Variants in ZRANB3 observed in about 807,000 individuals in gnomAD.
ZRANB3 encodes DNA annealing helicase and endonuclease ZRANB3.
In ZRANB3, 125 loss-of-function variants were observed where a neutral mutation model predicts 133.8. That is an observed-to-expected ratio of 0.93 (90% CI 0.81 to 1.08). The LOEUF (loss-of-function observed/expected upper bound fraction) is 1.08, where lower values mean the gene tolerates loss of function less well. ZRANB3 is among the 50% of genes least tolerant of loss of function. The probability of loss-of-function intolerance (pLI) is 0.00; values close to 1 mark genes in which losing one functional copy is unlikely to be tolerated. For synonymous variants in ZRANB3, 387 were observed against 432.7 expected, an observed-to-expected ratio of 0.89 and a Z score of 1.31; for missense variants, 1,229 against 1,275.5, an observed-to-expected ratio of 0.96 and a Z score of 0.56.
chr2:135,386,537 G>T (rs1686982305), intron 3 of ZRANB3, among the ~76,000 whole-genome samples: 1 of 152,124 alleles, frequency 6.6e-6, no homozygotes, highest in African/African-American at 2.4e-5. Context: ...AAAGACACAT[G>T]CACACATATG....
chr2:135,524,355 T>C (rs1019809715), intron 1 of ZRANB3, among the ~76,000 whole-genome samples: 3 of 152,214 alleles, frequency 2.0e-5, no homozygotes, highest in Non-Finnish European at 2.9e-5. Context: ...GTGCTGGGAT[T>C]ACAGGCTTAA....
At chr2:135,216,426 T>C (rs1694313777) in intron 17 of ZRANB3, among the ~76,000 whole-genome samples, 1 of 152,104 alleles carries the variant, frequency 6.6e-6, no homozygotes, top group African/African-American at 2.4e-5. Context: ...TTTGGTTTAT[T>C]GCTTTGCCAT....
intron 3 of ZRANB3, among the ~76,000 whole-genome samples, chr2:135,386,045 G>A (rs1305683368): frequency 3.9e-5 from 6 of 152,134 alleles, no homozygotes; most frequent in Non-Finnish European, 8.8e-5. Context: ...TACCATCAGA[G>A]TGAACAGGCA....
At chr2:135,218,563 C>T (rs894241587) in intron 16 of ZRANB3, among the ~76,000 whole-genome samples, 2 of 151,906 alleles carry the variant, frequency 1.3e-5, no homozygotes, top group Non-Finnish European at 2.9e-5. Flanking sequence ...ACACAGCATG[C>T]TAGGTTAGTC....
intron 2 of ZRANB3, among the ~76,000 whole-genome samples, chr2:135,407,700 C>G (rs1474763365): frequency 1.3e-5 from 2 of 151,790 alleles, no homozygotes; most frequent in African/African-American, 4.9e-5. Flanking sequence ...TTTGACAAAC[C>G]TGACAAAAAC....
At chr2:135,386,616 G>C (rs561226049) in intron 3 of ZRANB3, among the ~76,000 whole-genome samples, 4 of 152,308 alleles carry the variant, frequency 2.6e-5, no homozygotes, top group South Asian at 2.1e-4. Flanking sequence ...TGACAGACTG[G>C]ATTAAGCAAA....
chr2:135,349,091 T>C (rs908658220), intron 5 of ZRANB3, among the ~76,000 whole-genome samples: 15 of 152,162 alleles, frequency 9.9e-5, no homozygotes, highest in Non-Finnish European at 1.8e-4. Flanking sequence ...TCACTATCTA[T>C]GTACTTTTAT....
intron 1 of ZRANB3, among the ~76,000 whole-genome samples, chr2:135,513,475 C>T (rs1693562212): frequency 6.6e-6 from 1 of 152,074 alleles, no homozygotes; most frequent in South Asian, 2.1e-4. Flanking sequence ...GTAACTTTTT[C>T]AACAAATAGT....
chr2:135,326,297 T>C (rs1268727181), intron 6 of ZRANB3, among the ~76,000 whole-genome samples: 1 of 152,170 alleles, frequency 6.6e-6, no homozygotes, highest in Non-Finnish European at 1.5e-5. Flanking sequence ...GGTCTCTGGT[T>C]ACATGAATAA....
In ZRANB3 at chr2:135,518,019, G is replaced by A. The variant is rs948173283; in HGVS notation, c.-8+13108C>T. On this transcript the variant is annotated intron_variant, in intron 1 of 20. Coordinates refer to ENST00000264159, the MANE Select transcript of ZRANB3 (RefSeq NM_032143.4). ...GGCTTTGCGTGCTGCGGTGGGTTCC[G>A]CACCCAGTTCGAACTTCCCAGCAGC... Among the ~76,000 whole-genome samples the A allele has an allele frequency of 2.0e-5, 3 of 152,092 alleles. No individual in the cohort carries two copies. In the South Asian group the frequency reaches 6.2e-4, roughly 32 times the overall value.
chr2:135,531,151 A>C lies in ZRANB3; in HGVS notation c.-32T>G, dbSNP rs532853410. 1 of 151,700 alleles carries C rather than the reference A, an allele frequency of 6.6e-6. No homozygotes were observed. Among genetic ancestry groups the C allele is most frequent in the African/African-American group, 2.4e-5 (1 of 41,238 alleles). 9.4% of individuals were successfully genotyped at this position (151,700 alleles called of 1,614,324 possible). On this transcript the variant is annotated 5_prime_UTR_variant, in exon 1 of 21. Coordinates refer to ENST00000264159, the MANE Select transcript of ZRANB3 (RefSeq NM_032143.4). ...CCTCGAGTCAGTAAAAACTCACGAA[A>C]CTCCGCACCTCAGGCTCCAACTCGT...
At chr2:135,396,121 A>G (rs1416053092) in intron 2 of ZRANB3, among the ~76,000 whole-genome samples, 1 of 152,198 alleles carries the variant, frequency 6.6e-6, no homozygotes, top group Non-Finnish European at 1.5e-5. Flanking sequence ...CTATAATGAG[A>G]TATCATCTCA....
intron 2 of ZRANB3, among the ~76,000 whole-genome samples, chr2:135,449,599 A>AGTG (rs1559006681): frequency 6.6e-6 from 1 of 152,164 alleles, no homozygotes; most frequent in Non-Finnish European, 1.5e-5. Context: ...CAGCTTGGGT[A>AGTG]ACAGAGTGAG....
chr2:135,269,219 T>C (rs1351539415), intron 10 of ZRANB3, 78 bp from the exon 11 acceptor site: 1 of 1,205,858 alleles, frequency 8.3e-7, no homozygotes, highest in African/African-American at 1.6e-5. Context: ...ACATGTTAAA[T>C]GGAGAACACT....
intron 16 of ZRANB3, among the ~76,000 whole-genome samples, chr2:135,218,012 T>C (rs1422426136): frequency 6.6e-6 from 1 of 152,114 alleles, no homozygotes; most frequent in Non-Finnish European, 1.5e-5. Flanking sequence ...AGGGTCTCAC[T>C]ATGTTGCCCA....
rs151195356 is a variant in ZRANB3, at chr2:135,214,763, T to C, written c.2495+2702A>G. ...CACATATATTTTAAATGTATTTTTA[T>C]AGAAAATGACACACGCCCATGGGAA... On this transcript the variant is annotated intron_variant, in intron 17 of 20. Coordinates refer to ENST00000264159, the MANE Select transcript of ZRANB3 (RefSeq NM_032143.4). 3.0e-3 allele frequency among the ~76,000 whole-genome samples: 453 copies of C among 152,270 alleles called. 3 individuals are homozygous for C. The highest frequency in any genetic ancestry group is 0.01 in the African/African-American group (422 of 41,564).
chr2:135,406,433 T>A lies in ZRANB3; in HGVS notation c.162-15613A>T, dbSNP rs189466833. Among the ~76,000 whole-genome samples the A allele has an allele frequency of 1.4e-3, 215 of 152,202 alleles. 1 individual carries two copies. The highest frequency in any genetic ancestry group is 5.0e-3 in the African/African-American group (208 of 41,518). On this transcript the variant is annotated intron_variant, in intron 2 of 20. Transcript: ENST00000264159. ...TACCATTCCTTCTGAAACTATTCCA[T>A]CAATAGAAAAAGAGGGGATCCTCCC...
In ZRANB3 at chr2:135,504,474, T is replaced by C; in HGVS notation, c.16A>G (p.Asn6Asp). Residue 6 changes from asparagine to aspartate, a missense_variant, in exon 2 of 21, where the codon AAC (asparagine) becomes GAC (aspartate). Coordinates refer to ENST00000264159, the MANE Select transcript of ZRANB3 (RefSeq NM_032143.4). ...TGAGGTGTAAGAGACTTTTTTATGT[T>C]ATGAACCCTAGGCATGATGATCCTA... MPRVH[N>D]IKKSLTPHIS... 6.2e-7 allele frequency: 1 copy of C among 1,612,408 alleles called. No homozygotes were observed. The highest frequency in any genetic ancestry group is 1.1e-5 in the South Asian group (1 of 90,580).
intron 2 of ZRANB3, among the ~76,000 whole-genome samples, chr2:135,472,149 T>C (rs924010342): frequency 2.0e-5 from 3 of 152,188 alleles, no homozygotes; most frequent in African/African-American, 4.8e-5. Context: ...GATAACCTCA[T>C]AGTATATGAA....
Sources: gnomAD v4.1 joint callset for allele counts (sites outside exome capture counted in the v4.1 genomes callset) on GRCh38, gnomAD v4.1.1 for gene constraint, MANE v1.5 for transcripts, NCBI Gene and HGNC (gene_info 2026-07-23, HGNC 2026-07-21) for gene names.